Variants in ADAM22 observed in about 807,000 individuals in gnomAD.
ADAM22 encodes the protein disintegrin and metalloproteinase domain-containing protein 22.
Under a neutral mutation model 144.6 loss-of-function variants are expected in ADAM22, and 65 were observed. The ratio of observed to expected loss-of-function variants is 0.45; its 90% CI spans 0.37 to 0.55. ADAM22 has a LOEUF of 0.55. Ranked by LOEUF, ADAM22 falls within the 20% of genes least tolerant of loss-of-function variation. The probability of loss-of-function intolerance (pLI) is 0.00; values close to 1 mark genes in which losing one functional copy is unlikely to be tolerated. For synonymous variants in ADAM22, 391 were observed against 412.6 expected, an observed-to-expected ratio of 0.95 and a Z score of 0.63; for missense variants, 974 against 1,184.9, an observed-to-expected ratio of 0.82 and a Z score of 2.61.
intron 2 of ADAM22, among the ~76,000 whole-genome samples, chr7:87,958,445 G>A (rs912184055): frequency 2.6e-5 from 4 of 151,720 alleles, no homozygotes; most frequent in Non-Finnish European, 4.4e-5. Context: ...GAGTGCAATG[G>A]CGTGATCTCG....
At chr7:88,098,125 C>G (rs577988621) in intron 4 of ADAM22, among the ~76,000 whole-genome samples, 1 of 152,108 alleles carries the variant, frequency 6.6e-6, no homozygotes, top group Admixed American at 6.6e-5. Flanking sequence ...ATTAATTTCT[C>G]TCGACTATTC....
chr7:88,030,759 A>G lies in ADAM22; in HGVS notation c.324-44867A>G, dbSNP rs112087886. On this transcript the variant is annotated intron_variant, in intron 3 of 31. Coordinates refer to ENST00000413139, the MANE Select transcript of ADAM22 (RefSeq NM_001324418.2). Reference sequence around the variant, plus strand: ...CCCCTTTGCCTTCCGCCATGATTGTAAATTTCCTCAGGCCTCCCCCGAAGC... The same window carrying G: ...CCCCTTTGCCTTCCGCCATGATTGTGAATTTCCTCAGGCCTCCCCCGAAGC... Among the ~76,000 whole-genome samples, 1,218 of 152,190 alleles carry G rather than the reference A, an allele frequency of 8.0e-3. 19 individuals are homozygous for G. The highest frequency in any genetic ancestry group is 0.028 in the African/African-American group (1,164 of 41,510).
At position 87,951,003 on chromosome 7, in the gene ADAM22, A is replaced by G. The variant is rs183042816; in HGVS notation, c.246+15817A>G. ...ATGGGGTTGTTTGTTTTTTTCTTGT[A>G]AATTTGTTTGATTTCATTGTCGAGT... On this transcript the variant is annotated intron_variant, in intron 2 of 31. Coordinates refer to ENST00000413139, the MANE Select transcript of ADAM22 (RefSeq NM_001324418.2). 1.3e-3 allele frequency among the ~76,000 whole-genome samples: 203 copies of G among 152,032 alleles called. 1 individual carries two copies. The highest frequency in any genetic ancestry group is 5.4e-3 in the Admixed American group (82 of 15,276).
intron 26 of ADAM22, among the ~76,000 whole-genome samples, chr7:88,178,092 G>C (rs1445510857): frequency 5.3e-5 from 8 of 152,094 alleles, no homozygotes; most frequent in African/African-American, 1.9e-4. Context: ...TACATTAGGA[G>C]AAGTAATAAA....
intron 3 of ADAM22, among the ~76,000 whole-genome samples, chr7:88,003,987 G>A (rs1793204111): frequency 6.6e-6 from 1 of 152,196 alleles, no homozygotes; most frequent in Non-Finnish European, 1.5e-5. Context: ...GAACAGTTAG[G>A]AGGATCTCAA....
At chr7:87,952,650 G>C (rs1353925486) in intron 2 of ADAM22, among the ~76,000 whole-genome samples, 2 of 151,958 alleles carry the variant, frequency 1.3e-5, no homozygotes, top group Admixed American at 6.6e-5. Context: ...GATGATGCTG[G>C]CCTCATAAAA....
intron 3 of ADAM22, among the ~76,000 whole-genome samples, chr7:88,010,031 T>C (rs866023775): frequency 3.8e-5 from 2 of 52,274 alleles, no homozygotes; most frequent in South Asian, 1.2e-3. Flanking sequence ...ATTTCTCTCT[T>C]TTTTTTTTTC....
chr7:88,009,600 A>T (rs975126315), intron 3 of ADAM22, among the ~76,000 whole-genome samples: 5 of 115,990 alleles, frequency 4.3e-5, no homozygotes, highest in South Asian at 3.3e-4. Flanking sequence ...CTATTCTAAT[A>T]AAAAAAAGTG....
chr7:87,957,267 C>T (rs1052965148), intron 2 of ADAM22, among the ~76,000 whole-genome samples: 5 of 152,112 alleles, frequency 3.3e-5, no homozygotes, highest in African/African-American at 1.2e-4. Flanking sequence ...TTACTTATCC[C>T]TTAGCTGTTC....
chr7:88,146,664 C>T (rs1022162173), intron 17 of ADAM22, among the ~76,000 whole-genome samples: 3 of 152,198 alleles, frequency 2.0e-5, no homozygotes, highest in Non-Finnish European at 4.4e-5. Flanking sequence ...CTCACAAGCA[C>T]ACTTTTGGGA....
chr7:88,131,557 T>G, intron 11 of ADAM22, 122 bp downstream of exon 11: 1 of 1,044,978 alleles, frequency 9.6e-7, no homozygotes. Context: ...AGATGGCAGA[T>G]AGATTTGGAA....
intron 4 of ADAM22, among the ~76,000 whole-genome samples, chr7:88,082,721 A>G (rs1338742029): frequency 6.6e-6 from 1 of 152,226 alleles, no homozygotes; most frequent in South Asian, 2.1e-4. Context: ...TATGCAGCCA[A>G]AAAACACATG....
At chr7:87,946,917 C>T (rs796597899) in intron 2 of ADAM22, among the ~76,000 whole-genome samples, 11 of 152,100 alleles carry the variant, frequency 7.2e-5, no homozygotes, top group African/African-American at 1.7e-4. Context: ...ACAGATGTGG[C>T]GGGAGGCCAT....
intron 11 of ADAM22, chr7:88,131,961 G>T (rs1175563452): frequency 6.6e-6 from 1 of 152,288 alleles, no homozygotes; most frequent in Admixed American, 6.5e-5. Flanking sequence ...AGGAAGAAAA[G>T]ATGTATTTTG....
intron 12 of ADAM22, among the ~76,000 whole-genome samples, chr7:88,133,712 G>A (rs1021067438): frequency 2.6e-5 from 4 of 152,112 alleles, no homozygotes; most frequent in African/African-American, 9.7e-5. Flanking sequence ...AAGAAAAATA[G>A]AGTAGGTTTT....
At chr7:87,968,066 A>C (rs1404069923) in intron 2 of ADAM22, among the ~76,000 whole-genome samples, 1 of 152,210 alleles carries the variant, frequency 6.6e-6, no homozygotes, top group African/African-American at 2.4e-5. Context: ...TTTAAGAAAT[A>C]ATGCAGGAAT....
chr7:88,118,669 A>C (rs957007759), intron 7 of ADAM22, among the ~76,000 whole-genome samples: 206 of 145,920 alleles, frequency 1.4e-3, no homozygotes, highest in African/African-American at 4.8e-3. Context: ...ATATATATAT[A>C]TCTTTTTTTT....
At position 88,100,118 on chromosome 7, in the gene ADAM22, G is replaced by A. The variant is rs187210151; in HGVS notation, c.391-8058G>A. On this transcript the variant is annotated intron_variant, in intron 4 of 31. Coordinates refer to ENST00000413139, the MANE Select transcript of ADAM22 (RefSeq NM_001324418.2). Reference sequence around the variant, plus strand: ...ATATTAACAATGGGAAAACCTGGGTGATATACTATACTTCTCTATACCATC... The same window carrying A: ...ATATTAACAATGGGAAAACCTGGGTAATATACTATACTTCTCTATACCATC... Among the ~76,000 whole-genome samples the A allele has an allele frequency of 3.3e-5, 5 of 152,210 alleles. No individual in the cohort carries two copies. In the South Asian group the frequency reaches 8.3e-4, roughly 25 times the overall value.
chr7:87,963,963 A>G (rs969046520), intron 2 of ADAM22, among the ~76,000 whole-genome samples: 1 of 152,204 alleles, frequency 6.6e-6, no homozygotes, highest in South Asian at 2.1e-4. Flanking sequence ...AACTAATTAG[A>G]TATCACCAAG....
Sources: allele counts gnomAD v4.1 joint callset (sites outside exome capture counted in the v4.1 genomes callset), GRCh38; gene constraint gnomAD v4.1.1; transcripts MANE v1.5; gene names NCBI Gene and HGNC (gene_info 2026-07-23, HGNC 2026-07-21).